CACNA2D1: variants seen among roughly 807,000 people sequenced by gnomAD.
CACNA2D1 encodes voltage-dependent calcium channel subunit alpha-2/delta-1.
Under a neutral mutation model 171.5 loss-of-function variants are expected in CACNA2D1, and 53 were observed. The observed-to-expected ratio is 0.31, with a 90% CI of 0.25 to 0.39. The LOEUF (loss-of-function observed/expected upper bound fraction) is 0.39, where lower values mean the gene tolerates loss of function less well. CACNA2D1 is among the 10% of genes least tolerant of loss of function. The pLI, the probability that CACNA2D1 is intolerant of heterozygous loss-of-function variation, is 1.00. For missense variants in CACNA2D1, 903 were observed against 1,299.8 expected (o/e 0.69, Z 4.69); for synonymous variants, 442 against 443.1 (o/e 1.00, Z 0.03).
At chr7:81,982,707 G>A (rs1157301801) in intron 23 of CACNA2D1, 80 bp from the exon 24 acceptor site, 2 of 887,954 alleles carry the variant, frequency 2.3e-6, no homozygotes, top group Non-Finnish European at 3.8e-6. Context: ...GAAGGCATGA[G>A]AAAGATTACC....
At chr7:81,963,528 G>T (rs1374173871) in intron 34 of CACNA2D1, among the ~76,000 whole-genome samples, 4 of 151,922 alleles carry the variant, frequency 2.6e-5, no homozygotes, top group Non-Finnish European at 4.4e-5. Context: ...TACAGGTGAG[G>T]GTTGAGGGAG....
chr7:82,345,177 G>A (rs928257344), intron 2 of CACNA2D1, among the ~76,000 whole-genome samples: 1 of 152,038 alleles, frequency 6.6e-6, no homozygotes, highest in African/African-American at 2.4e-5. Flanking sequence ...GCATTAGTCT[G>A]AATTACTAAT....
chr7:82,184,958 T>C (rs1386885791), intron 3 of CACNA2D1, among the ~76,000 whole-genome samples: 1 of 152,164 alleles, frequency 6.6e-6, no homozygotes, highest in Admixed American at 6.5e-5. Flanking sequence ...AGTAAACAGA[T>C]GTTATCGAGC....
At chr7:82,206,580 T>G (rs1009250493) in intron 3 of CACNA2D1, among the ~76,000 whole-genome samples, 2 of 152,132 alleles carry the variant, frequency 1.3e-5, no homozygotes, top group African/African-American at 4.8e-5. Flanking sequence ...GATGCAAATT[T>G]AATTGCAAGA....
In CACNA2D1 at chr7:82,204,416, G is replaced by C. The variant is rs114509989; in HGVS notation, c.295-33807C>G. On this transcript the variant is annotated intron_variant, in intron 3 of 38. Coordinates refer to ENST00000356860, the MANE Select transcript of CACNA2D1 (RefSeq NM_000722.4). ...AGGAAGGATGACCTTCTCCAACCAG[G>C]TATGCGGATGAACGGTAACCTGTTG... Among the ~76,000 whole-genome samples the C allele has an allele frequency of 6.2e-3, 939 of 152,290 alleles. 10 individuals are homozygous for C. Among genetic ancestry groups the C allele is most frequent in the African/African-American group, 0.021 (891 of 41,556 alleles).
At chr7:82,130,807 T>TC (rs1790878770) in intron 5 of CACNA2D1, among the ~76,000 whole-genome samples, 1 of 125,656 alleles carries the variant, frequency 8.0e-6, no homozygotes, top group African/African-American at 2.8e-5. Context: ...TTTTTTTTTT[T>TC]TTTTTTTGAG....
intron 3 of CACNA2D1, among the ~76,000 whole-genome samples, chr7:82,299,994 A>G (rs1812804089): frequency 1.3e-5 from 2 of 152,186 alleles, no homozygotes; most frequent in South Asian, 4.1e-4. Flanking sequence ...ACCAGTTAGG[A>G]GACAATGAAA....
chr7:82,126,511 C>CT (rs1012304586), intron 5 of CACNA2D1, among the ~76,000 whole-genome samples: 4 of 152,006 alleles, frequency 2.6e-5, no homozygotes, highest in Admixed American at 6.6e-5. Flanking sequence ...TAAAACTCAA[C>CT]TTTTTTTTAT....
intron 6 of CACNA2D1, among the ~76,000 whole-genome samples, chr7:82,108,455 T>TA (rs964844040): frequency 2.6e-5 from 4 of 152,178 alleles, no homozygotes; most frequent in Non-Finnish European, 5.9e-5. Context: ...AATTACTTCT[T>TA]AAAGTCCCTA....
At chr7:82,439,018 A>G (rs1214285677) in intron 1 of CACNA2D1, among the ~76,000 whole-genome samples, 1 of 152,150 alleles carries the variant, frequency 6.6e-6, no homozygotes, top group African/African-American at 2.4e-5. Flanking sequence ...TTTGCCTAAG[A>G]TATGTTTCAT....
intron 3 of CACNA2D1, among the ~76,000 whole-genome samples, chr7:82,205,646 T>C (rs1396190040): frequency 6.6e-6 from 1 of 152,222 alleles, no homozygotes; most frequent in Non-Finnish European, 1.5e-5. Flanking sequence ...TAGAATATCC[T>C]AGAAGAATGC....
At chr7:81,952,405 A>G (rs1348423299) in intron 38 of CACNA2D1, among the ~76,000 whole-genome samples, 1 of 152,110 alleles carries the variant, frequency 6.6e-6, no homozygotes, top group Non-Finnish European at 1.5e-5. Context: ...AGGCAGCAGA[A>G]CTATTTTGTT....
rs993320257 is a variant in CACNA2D1, at chr7:81,950,095, T to C, written c.*297A>G. ...CAATTGTATGGGGAACCCTTTCACA[T>C]GTAATCACCAACAATGCAACAACAA... On this transcript the variant is annotated 3_prime_UTR_variant, in exon 39 of 39. Coordinates refer to ENST00000356860, the MANE Select transcript of CACNA2D1 (RefSeq NM_000722.4). 1 of 395,230 alleles carries C rather than the reference T, an allele frequency of 2.5e-6. No homozygotes were observed. Among genetic ancestry groups the C allele is most frequent in the Non-Finnish European group, 4.6e-6 (1 of 217,416 alleles). The allele number at this position is 395,230 out of a possible 1,614,324, so 24.5% of individuals were successfully genotyped here.
intron 3 of CACNA2D1, among the ~76,000 whole-genome samples, chr7:82,330,400 C>CA (rs1434191188): frequency 6.6e-6 from 1 of 151,916 alleles, no homozygotes; most frequent in African/African-American, 2.4e-5. Flanking sequence ...ATAATTTCAC[C>CA]AAAAAACCCT....
At chr7:82,150,451 A>G (rs536956927) in intron 4 of CACNA2D1, among the ~76,000 whole-genome samples, 3 of 150,948 alleles carry the variant, frequency 2.0e-5, no homozygotes, top group African/African-American at 7.3e-5. Flanking sequence ...TGAAATCTCT[A>G]GTACATATTT....
intron 10 of CACNA2D1, among the ~76,000 whole-genome samples, chr7:82,049,522 G>A (rs1005968674): frequency 3.3e-5 from 5 of 152,096 alleles, no homozygotes; most frequent in African/African-American, 1.2e-4. Flanking sequence ...ACTTGCTAAA[G>A]GTACCTCTTT....
At chr7:82,012,822 C>T (rs1401242106) in intron 14 of CACNA2D1, among the ~76,000 whole-genome samples, 1 of 151,916 alleles carries the variant, frequency 6.6e-6, no homozygotes, top group African/African-American at 2.4e-5. Context: ...ATTTTGACTT[C>T]GTTTATTTTG....
chr7:82,365,913 C>T (rs780450490), intron 1 of CACNA2D1, among the ~76,000 whole-genome samples: 62 of 152,292 alleles, frequency 4.1e-4, no homozygotes, highest in Admixed American at 2.8e-3. Flanking sequence ...ATTGGGTACT[C>T]AAGCTACTAC....
At chr7:82,243,217 TTCAAGTTC>T (rs1247688290) in intron 3 of CACNA2D1, among the ~76,000 whole-genome samples, 1 of 152,150 alleles carries the variant, frequency 6.6e-6, no homozygotes, top group Non-Finnish European at 1.5e-5. Context: ...TCTGTTTTGT[TTCAAGTTC>T]TCTCCATCCT....
Sources: allele counts gnomAD v4.1 joint callset (sites outside exome capture counted in the v4.1 genomes callset), GRCh38; gene constraint gnomAD v4.1.1; transcripts MANE v1.5; gene names NCBI Gene and HGNC (gene_info 2026-07-23, HGNC 2026-07-21).